Variants in PTPRZ1 observed in about 807,000 individuals in gnomAD.
The protein encoded by PTPRZ1 is receptor-type tyrosine-protein phosphatase zeta.
Under a neutral mutation model 214.1 loss-of-function variants are expected in PTPRZ1, and 82 were observed. That is an observed-to-expected ratio of 0.38 (90% CI 0.32 to 0.46). PTPRZ1 has a LOEUF of 0.46. Ranked by LOEUF, PTPRZ1 falls within the 20% of genes least tolerant of loss-of-function variation. The pLI, the probability that PTPRZ1 is intolerant of heterozygous loss-of-function variation, is 1.00. For synonymous variants in PTPRZ1, 945 were observed against 987.9 expected (o/e 0.96, Z 0.81); for missense variants, 2,603 against 2,748.7 (o/e 0.95, Z 1.19).
intron 2 of PTPRZ1, among the ~76,000 whole-genome samples, chr7:121,960,157 G>C (rs1796831393): frequency 6.6e-6 from 1 of 152,194 alleles, no homozygotes; most frequent in Non-Finnish European, 1.5e-5. Flanking sequence ...TCCTGCCTCA[G>C]CCTCCCGATT....
chr7:121,916,300 TA>T (rs1795425190), intron 1 of PTPRZ1, among the ~76,000 whole-genome samples: 1 of 152,010 alleles, frequency 6.6e-6, no homozygotes. Flanking sequence ...AGTTCATTTT[TA>T]TTTAACCGTT....
intron 2 of PTPRZ1, among the ~76,000 whole-genome samples, chr7:121,932,485 T>C (rs1200568878): frequency 1.3e-5 from 2 of 152,222 alleles, no homozygotes; most frequent in Admixed American, 1.3e-4. Context: ...CATTCAGTTC[T>C]AGTTTCACCT....
intron 2 of PTPRZ1, among the ~76,000 whole-genome samples, chr7:121,938,764 AGT>A (rs1796161466): frequency 6.6e-6 from 1 of 152,140 alleles, no homozygotes; most frequent in South Asian, 2.1e-4. Context: ...TGGAGAGAAA[AGT>A]GTCTTCCTGG....
At chr7:121,900,928 A>C (rs1041778414) in intron 1 of PTPRZ1, among the ~76,000 whole-genome samples, 1 of 152,218 alleles carries the variant, frequency 6.6e-6, no homozygotes, top group African/African-American at 2.4e-5. Flanking sequence ...GTTCAACATA[A>C]CAACCCTGTA....
intron 25 of PTPRZ1, among the ~76,000 whole-genome samples, chr7:122,053,337 C>CA (rs1271109810): frequency 2.6e-5 from 4 of 152,206 alleles, no homozygotes; most frequent in Non-Finnish European, 5.9e-5. Context: ...GTGTGAGGGT[C>CA]AGCGAGGCCA....
In PTPRZ1 at chr7:122,010,854, T is replaced by C; in HGVS notation, c.1808T>C (p.Ile603Thr). 6.2e-7 allele frequency: 1 copy of C among 1,614,104 alleles called. No homozygotes were observed. The highest frequency in any genetic ancestry group is 8.5e-7 in the Non-Finnish European group (1 of 1,180,002). The change falls in exon 12 of 30, where the codon ATA (isoleucine) becomes ACA (threonine). Residue 603 changes from isoleucine (I) to threonine (T), a missense_variant. Ile to Thr is a moderately conservative substitution (Grantham distance 89, BLOSUM62 -1). Around this residue, in one of 6 missense-constraint regions of PTPRZ1, gnomAD observed 1,913 missense variants for 1,914.3 expected, o/e 1.00. Coordinates refer to ENST00000393386, the MANE Select transcript of PTPRZ1 (RefSeq NM_002851.3). ...TSAIPFISEN[I>T]SQGYIFSSEN... ...GCTATCCCATTCATCTCTGAGAACATATCCCAAGGGTATATATTTTCCTCC... is the reference window on the plus strand; with the variant it reads ...GCTATCCCATTCATCTCTGAGAACACATCCCAAGGGTATATATTTTCCTCC...
intron 1 of PTPRZ1, among the ~76,000 whole-genome samples, chr7:121,910,505 A>G (rs1795240307): frequency 6.6e-6 from 1 of 152,150 alleles, no homozygotes; most frequent in Non-Finnish European, 1.5e-5. Context: ...TATATGAAAC[A>G]TATATATGGA....
At chr7:121,925,089 G>T (rs1341707592) in intron 1 of PTPRZ1, among the ~76,000 whole-genome samples, 1 of 152,162 alleles carries the variant, frequency 6.6e-6, no homozygotes, top group Admixed American at 6.5e-5. Context: ...GAAGTGGAAG[G>T]CAGGGACCCC....
chr7:121,983,195 A>G (rs963295741), intron 6 of PTPRZ1, among the ~76,000 whole-genome samples: 1 of 152,124 alleles, frequency 6.6e-6, no homozygotes, highest in Non-Finnish European at 1.5e-5. Context: ...CTTCCAATTC[A>G]ATGTTAAATA....
At chr7:121,929,461 A>C (rs984868413) in intron 2 of PTPRZ1, among the ~76,000 whole-genome samples, 5 of 150,858 alleles carry the variant, frequency 3.3e-5, no homozygotes, top group African/African-American at 1.2e-4. Context: ...TATTTTTATT[A>C]CTTCTGTGCT....
At chr7:121,948,741 G>T (rs550620725) in intron 2 of PTPRZ1, among the ~76,000 whole-genome samples, 58 of 146,372 alleles carry the variant, frequency 4.0e-4, no homozygotes, top group African/African-American at 1.3e-3. Flanking sequence ...ATGCTGTGAG[G>T]TTGGTCCTCA....
chr7:122,001,927 G>A (rs1426906366), intron 10 of PTPRZ1, among the ~76,000 whole-genome samples: 1 of 152,056 alleles, frequency 6.6e-6, no homozygotes, highest in Non-Finnish European at 1.5e-5. Context: ...GATTCTATAA[G>A]CCAGTATAAT....
At chr7:121,922,185 A>C (rs1795620558) in intron 1 of PTPRZ1, among the ~76,000 whole-genome samples, 1 of 152,232 alleles carries the variant, frequency 6.6e-6, no homozygotes, top group Non-Finnish European at 1.5e-5. Flanking sequence ...CAAATGGAGA[A>C]AGACAACAAA....
chr7:122,034,242 AG>A, intron 16 of PTPRZ1, 39 bp from the exon 17 acceptor site: 20 of 1,589,644 alleles, frequency 1.3e-5, no homozygotes, highest in Non-Finnish European at 1.7e-5. Flanking sequence ...GTTGTTTGAA[AG>A]AATGTGTGTT....
intron 6 of PTPRZ1, among the ~76,000 whole-genome samples, chr7:121,977,358 T>C (rs1797472478): frequency 6.6e-6 from 1 of 152,208 alleles, no homozygotes; most frequent in Non-Finnish European, 1.5e-5. Flanking sequence ...GAAGATGCAA[T>C]ATGCTTTGAC....
At chr7:121,969,416 G>C (rs900344271) in intron 3 of PTPRZ1, among the ~76,000 whole-genome samples, 3 of 151,962 alleles carry the variant, frequency 2.0e-5, no homozygotes, top group African/African-American at 4.8e-5. Flanking sequence ...AAAAAAATTA[G>C]CCAGGCATGG....
At chr7:122,055,207 A>C (rs747632935) in intron 27 of PTPRZ1, 120 bp downstream of exon 27, 4 of 772,182 alleles carry the variant, frequency 5.2e-6, no homozygotes, top group Non-Finnish European at 7.5e-6. Context: ...ATTGAGACAA[A>C]TACACAAATA....
rs553336408 is a variant in PTPRZ1 at position 122,028,363 on chromosome 7, T to A, written c.4989-189T>A. 14 of 472,240 alleles carry A rather than the reference T, an allele frequency of 3.0e-5. No individual in the cohort carries two copies. The South Asian group carries it at 4.3e-4, about 14-fold the overall frequency. 29.3% of individuals were successfully genotyped at this position (472,240 alleles called of 1,614,324 possible). On this transcript the variant is annotated intron_variant, in intron 13 of 29. Transcript: ENST00000393386. ...CTTCTGCATCTGCTACAGGTAAAAC[T>A]GAGATAAATTTTATAATTTAACATC...
chr7:122,023,029 A>G (rs1364291562), intron 13 of PTPRZ1, among the ~76,000 whole-genome samples: 1 of 152,208 alleles, frequency 6.6e-6, no homozygotes, highest in African/African-American at 2.4e-5. Flanking sequence ...CAAAAAGTCA[A>G]ATTAAACCTT....
Sources: gnomAD v4.1 joint callset for allele counts (sites outside exome capture counted in the v4.1 genomes callset) on GRCh38, gnomAD v4.1.1 for gene constraint, gnomAD v4.1.1 regional missense constraint, MANE v1.5 for transcripts, NCBI Gene and HGNC (gene_info 2026-07-23, HGNC 2026-07-21) for gene names.